KIAA0930: variants seen among roughly 807,000 people sequenced by gnomAD.
KIAA0930 encodes uncharacterized protein KIAA0930.
KIAA0930 carries 24 observed loss-of-function variants against 43.9 expected under a neutral mutation model. The observed-to-expected ratio is 0.55, with a 90% CI of 0.40 to 0.77. The LOEUF (loss-of-function observed/expected upper bound fraction) is 0.77, where lower values mean the gene tolerates loss of function less well. Ranked by LOEUF, KIAA0930 falls within the 30% of genes least tolerant of loss-of-function variation. The pLI, the probability that KIAA0930 is intolerant of heterozygous loss-of-function variation, is 0.00. For missense variants in KIAA0930, 461 were observed against 574.2 expected (o/e 0.80, Z 2.02); for synonymous variants, 259 against 216.4 (o/e 1.20, Z -1.73).
chr22:45,199,863 G>T lies in KIAA0930; in HGVS notation c.1015+10C>A, dbSNP rs112060481. The T allele has an allele frequency of 2.4e-5, 37 of 1,557,130 alleles. No homozygotes were observed. The highest frequency in any genetic ancestry group is 1.1e-4 in the African/African-American group (8 of 72,834). On this transcript the variant is annotated intron_variant, in intron 8 of 9. Coordinates refer to ENST00000336156, the MANE Select transcript of KIAA0930 (RefSeq NM_001009880.2). Reference sequence around the variant, plus strand: ...GCACGGGGACCCTAGGGCACGGAGTGGGGGGTCACCTCCACCGTCGTCCTC... The same window carrying T: ...GCACGGGGACCCTAGGGCACGGAGTTGGGGGTCACCTCCACCGTCGTCCTC...
intron 2 of KIAA0930, among the ~76,000 whole-genome samples, chr22:45,210,706 T>A (rs1204855105): frequency 1.9e-5 from 2 of 103,370 alleles, no homozygotes; most frequent in African/African-American, 7.8e-5. Context: ...TACTCGGGGA[T>A]CCCATCACCA....
intron 1 of KIAA0930, among the ~76,000 whole-genome samples, chr22:45,231,371 T>C (rs980968859): frequency 6.6e-5 from 10 of 152,182 alleles, no homozygotes; most frequent in Admixed American, 2.6e-4. Context: ...ACCTCAGCCA[T>C]GAACCTAAGA....
chr22:45,227,272 T>C (rs2083807906), intron 1 of KIAA0930, among the ~76,000 whole-genome samples: 1 of 152,070 alleles, frequency 6.6e-6, no homozygotes, highest in Non-Finnish European at 1.5e-5. Flanking sequence ...CCCTGCTCGA[T>C]CTCATGCTCT....
At chr22:45,224,549 C>T (rs1165991961) in intron 1 of KIAA0930, among the ~76,000 whole-genome samples, 2 of 152,216 alleles carry the variant, frequency 1.3e-5, no homozygotes, top group East Asian at 3.9e-4. Flanking sequence ...CCCACTCGTC[C>T]TCACATCAGT....
At chr22:45,219,750 C>T (rs1320069314) in intron 1 of KIAA0930, among the ~76,000 whole-genome samples, 3 of 151,986 alleles carry the variant, frequency 2.0e-5, no homozygotes, top group East Asian at 1.9e-4. Flanking sequence ...CACCACCAGA[C>T]CCAGCTAATT....
chr22:45,198,372 A>C (rs1174032367), intron 8 of KIAA0930, among the ~76,000 whole-genome samples: 3 of 152,342 alleles, frequency 2.0e-5, no homozygotes, highest in Non-Finnish European at 4.4e-5. Context: ...GGCTGGGGGA[A>C]CCTGCCCCAG....
chr22:45,197,007 GCTGGTGTTCGTGGAGTCGGCCCCGGCC>G lies in KIAA0930; in HGVS notation c.*142_*168del. 1.7e-6 allele frequency: 1 copy of G among 574,528 alleles called. No individual in the cohort carries two copies. Among genetic ancestry groups the G allele is most frequent in the Non-Finnish European group, 3.0e-6 (1 of 328,396 alleles). The allele number at this position is 574,528 out of a possible 1,614,324, so 35.6% of individuals were successfully genotyped here. On this transcript the variant is annotated 3_prime_UTR_variant, in exon 10 of 10. Transcript: ENST00000336156. ...GGAGGGAAGAGGCACTTCAGTTTGG[GCTGGTGTTCGTGGAGTCGGCCCCGGCC>G]CCGGGAGTCGAGTGGCCTCGCCTGG... is the stretch of plus-strand genomic sequence containing the variant.
chr22:45,240,295 G>C (rs927091165), intron 1 of KIAA0930, among the ~76,000 whole-genome samples: 2 of 152,278 alleles, frequency 1.3e-5, no homozygotes, highest in African/African-American at 2.4e-5. Flanking sequence ...GCGGTGCTGA[G>C]GGCCCGGGGC....
At chr22:45,203,702 G>C in intron 6 of KIAA0930, 143 bp downstream of exon 6, 1 of 862,664 alleles carries the variant, frequency 1.2e-6, no homozygotes. Flanking sequence ...CGCCTAGAAG[G>C]AGCCCGGAGG....
chr22:45,240,554 G>T, intron 1 of KIAA0930, 86 bp downstream of exon 1: 2 of 932,330 alleles, frequency 2.1e-6, no homozygotes, highest in South Asian at 1.4e-5. Flanking sequence ...AGAGATGCGC[G>T]GGGCGCACAG....
At chr22:45,232,432 C>T (rs2083859680) in intron 1 of KIAA0930, among the ~76,000 whole-genome samples, 1 of 152,226 alleles carries the variant, frequency 6.6e-6, no homozygotes, top group African/African-American at 2.4e-5. Context: ...TGTTCACCTG[C>T]CTCGGTCTCC....
chr22:45,232,527 G>C (rs879890419), intron 1 of KIAA0930, among the ~76,000 whole-genome samples: 1 of 152,046 alleles, frequency 6.6e-6, no homozygotes, highest in Non-Finnish European at 1.5e-5. Context: ...GAGACAGTCG[G>C]GGTCCACTCT....
chr22:45,220,779 C>T (rs1380761810), intron 1 of KIAA0930, among the ~76,000 whole-genome samples: 3 of 151,986 alleles, frequency 2.0e-5, no homozygotes, highest in Non-Finnish European at 4.4e-5. Context: ...CAGGGTTTCG[C>T]CATGTTGCCC....
At position 45,215,913 on chromosome 22, in the gene KIAA0930, A is replaced by T. The variant is rs1006885895; in HGVS notation, c.65-3806T>A. ...CGGGGAGGCGGGTGCCTGTAGTCCCAGCTACTCGGGAGGCTGAGGCAGGAG... is the reference window on the plus strand; with the variant it reads ...CGGGGAGGCGGGTGCCTGTAGTCCCTGCTACTCGGGAGGCTGAGGCAGGAG... On this transcript the variant is annotated intron_variant, in intron 1 of 9. Coordinates refer to ENST00000336156, the MANE Select transcript of KIAA0930 (RefSeq NM_001009880.2). 2.6e-5 allele frequency among the ~76,000 whole-genome samples: 4 copies of T among 152,184 alleles called. No individual in the cohort carries two copies. In the South Asian group the frequency reaches 8.3e-4, roughly 32 times the overall value.
intron 1 of KIAA0930, among the ~76,000 whole-genome samples, chr22:45,214,331 A>T (rs574076332): frequency 2.0e-5 from 3 of 152,244 alleles, no homozygotes; most frequent in Non-Finnish European, 4.4e-5. Flanking sequence ...ACAAATGTTC[A>T]CAGCATCTTT....
intron 1 of KIAA0930, among the ~76,000 whole-genome samples, chr22:45,230,032 G>A (rs2083842470): frequency 6.6e-6 from 1 of 152,214 alleles, no homozygotes; most frequent in African/African-American, 2.4e-5. Context: ...GGGGGCGGAG[G>A]GCGCAGTGAG....
intron 1 of KIAA0930, among the ~76,000 whole-genome samples, chr22:45,228,791 A>AAGATCCCTCTCCACCCCCCAACCAC (rs2083822971): frequency 3.2e-5 from 1 of 31,002 alleles, no homozygotes; most frequent in Non-Finnish European, 5.8e-5. Context: ...CAACCACCAA[A>AAGATCCCTCTCCACCCCCCAACCAC]CACTCACCTG....
At chr22:45,209,181 C>G (rs888079345) in intron 2 of KIAA0930, among the ~76,000 whole-genome samples, 4 of 152,234 alleles carry the variant, frequency 2.6e-5, no homozygotes, top group Admixed American at 6.5e-5. Flanking sequence ...GGAGGCCCGG[C>G]TGGTTGCTAT....
chr22:45,199,776 G>A (rs1159335936), intron 8 of KIAA0930, 97 bp downstream of exon 8: 46 of 1,252,430 alleles, frequency 3.7e-5, no homozygotes, highest in Non-Finnish European at 7.6e-6. Flanking sequence ...GCTGCTGAAT[G>A]AACAAATGAA....
Sources: allele counts gnomAD v4.1 joint callset (sites outside exome capture counted in the v4.1 genomes callset), GRCh38; gene constraint gnomAD v4.1.1; transcripts MANE v1.5; gene names NCBI Gene and HGNC (gene_info 2026-07-23, HGNC 2026-07-21).